The following THSD7B variants were observed in gnomAD, a reference collection of about 807,000 sequenced individuals.
The protein encoded by THSD7B is thrombospondin type-1 domain-containing protein 7B.
In THSD7B, 138 loss-of-function variants were observed where a neutral mutation model predicts 213.6. The observed-to-expected ratio is 0.65, with a 90% CI of 0.56 to 0.74. The LOEUF (loss-of-function observed/expected upper bound fraction) is 0.74. Among genes scored for constraint, THSD7B ranks in the 30% least tolerant of loss-of-function variants. The pLI, the probability that THSD7B is intolerant of heterozygous loss-of-function variation, is 0.00. For missense variants in THSD7B, 1,931 were observed against 1,991.5 expected, an observed-to-expected ratio of 0.97 and a Z score of 0.58; for synonymous variants, 742 against 687.0, an observed-to-expected ratio of 1.08 and a Z score of -1.25.
chr2:136,850,607 G>A (rs1017309209), intron 1 of THSD7B, among the ~76,000 whole-genome samples: 5 of 151,752 alleles, frequency 3.3e-5, no homozygotes, highest in Middle Eastern at 3.2e-3. Flanking sequence ...AAAAAAAAAT[G>A]TGAGTATGGC....
At chr2:137,591,844 C>T (rs1310577197) in intron 17 of THSD7B, among the ~76,000 whole-genome samples, 1 of 151,620 alleles carries the variant, frequency 6.6e-6, no homozygotes, top group Admixed American at 6.6e-5. Flanking sequence ...GAACATTTTG[C>T]CTGGGATTTT....
chr2:137,388,954 T>A (rs1361308182), intron 12 of THSD7B, among the ~76,000 whole-genome samples: 3 of 152,014 alleles, frequency 2.0e-5, no homozygotes, highest in African/African-American at 4.8e-5. Context: ...GTTGCAATTA[T>A]GAATATTGCT....
chr2:137,632,292 A>G (rs1682756363), intron 20 of THSD7B, among the ~76,000 whole-genome samples: 1 of 152,248 alleles, frequency 6.6e-6, no homozygotes, highest in Non-Finnish European at 1.5e-5. Flanking sequence ...TAATGCTTTA[A>G]GAAGCCCCTC....
At chr2:137,373,525 G>A (rs1297288456) in intron 12 of THSD7B, among the ~76,000 whole-genome samples, 29 of 152,058 alleles carry the variant, frequency 1.9e-4, no homozygotes, top group Non-Finnish European at 2.8e-4. Flanking sequence ...CATGTCCTTC[G>A]CCCACTTGTT....
intron 7 of THSD7B, among the ~76,000 whole-genome samples, chr2:137,230,052 T>C (rs1254043369): frequency 1.3e-5 from 2 of 152,212 alleles, no homozygotes; most frequent in African/African-American, 2.4e-5. Flanking sequence ...TCACTATTCT[T>C]TGTGTCCTCT....
intron 26 of THSD7B, among the ~76,000 whole-genome samples, chr2:137,665,658 A>G (rs974591975): frequency 6.6e-5 from 10 of 152,178 alleles, no homozygotes; most frequent in Non-Finnish European, 1.3e-4. Flanking sequence ...TCATGCAGTT[A>G]TATGCACATA....
intron 2 of THSD7B, among the ~76,000 whole-genome samples, chr2:136,892,083 C>T (rs56664544): frequency 0.035 from 5,391 of 151,970 alleles, 287 homozygotes; most frequent in East Asian, 0.21. Flanking sequence ...TCAGGGCAGC[C>T]GGGATCCTTA....
intron 2 of THSD7B, among the ~76,000 whole-genome samples, chr2:136,933,105 G>C (rs537370274): frequency 1.1e-5 from 1 of 94,532 alleles, no homozygotes; most frequent in Non-Finnish European, 2.2e-5. Flanking sequence ...TATTTTGCCC[G>C]CCATTCCTTC....
intron 17 of THSD7B, among the ~76,000 whole-genome samples, chr2:137,599,138 G>GT (rs1439833499): frequency 5.5e-5 from 8 of 145,468 alleles, no homozygotes; most frequent in South Asian, 2.2e-4. Context: ...ACGGTGTTTG[G>GT]TTTTTTTTTC....
At chr2:137,354,836 T>A (rs1377257959) in intron 12 of THSD7B, among the ~76,000 whole-genome samples, 1 of 152,056 alleles carries the variant, frequency 6.6e-6, no homozygotes, top group African/African-American at 2.4e-5. Flanking sequence ...CAGCTGTTTT[T>A]TTTTTTCTAA....
At chr2:137,196,826 A>G (rs1452855785) in intron 7 of THSD7B, among the ~76,000 whole-genome samples, 1 of 152,220 alleles carries the variant, frequency 6.6e-6, no homozygotes, top group East Asian at 1.9e-4. Flanking sequence ...GCAAATATTC[A>G]AAAATTTGCA....
chr2:137,142,365 G>C (rs1303118836), intron 5 of THSD7B, among the ~76,000 whole-genome samples: 1 of 152,140 alleles, frequency 6.6e-6, no homozygotes, highest in Non-Finnish European at 1.5e-5. Context: ...ATTCATGAGG[G>C]AGGAGCCCTC....
At chr2:136,846,263 C>A (rs1304063605) in intron 1 of THSD7B, among the ~76,000 whole-genome samples, 1 of 152,052 alleles carries the variant, frequency 6.6e-6, no homozygotes, top group African/African-American at 2.4e-5. Context: ...CACACTCATA[C>A]CCTGGGTTAT....
chr2:137,352,812 A>T (rs1033611277), intron 12 of THSD7B, among the ~76,000 whole-genome samples: 5 of 152,084 alleles, frequency 3.3e-5, no homozygotes, highest in Admixed American at 6.6e-5. Flanking sequence ...AGAAAAATGT[A>T]TTGAGAAAAA....
At chr2:137,199,255 AT>A (rs1680830094) in intron 7 of THSD7B, among the ~76,000 whole-genome samples, 1 of 152,206 alleles carries the variant, frequency 6.6e-6, no homozygotes, top group Non-Finnish European at 1.5e-5. Context: ...TTTCTAAAAA[AT>A]ATATCGAAAG....
At chr2:137,197,507 A>C (rs543279961) in intron 7 of THSD7B, among the ~76,000 whole-genome samples, 5 of 152,318 alleles carry the variant, frequency 3.3e-5, no homozygotes, top group African/African-American at 1.2e-4. Context: ...TGTCGATTAC[A>C]ATTTGTTTAA....
chr2:137,434,847 C>T (rs1349498055), intron 14 of THSD7B, among the ~76,000 whole-genome samples: 2 of 152,178 alleles, frequency 1.3e-5, no homozygotes, highest in Admixed American at 6.5e-5. Flanking sequence ...TTCTCCCTCT[C>T]CCTCAAGGTT....
At chr2:136,890,578 C>T (rs565644489) in intron 2 of THSD7B, among the ~76,000 whole-genome samples, 18 of 135,962 alleles carry the variant, frequency 1.3e-4, no homozygotes, top group Non-Finnish European at 1.7e-4. Flanking sequence ...CTCACTCTGT[C>T]GCCCAGGCTG....
chr2:136,951,274 C>T (rs535025676), intron 2 of THSD7B, among the ~76,000 whole-genome samples: 1 of 152,178 alleles, frequency 6.6e-6, no homozygotes, highest in Non-Finnish European at 1.5e-5. Context: ...TTTCCTCTCT[C>T]TCCCTTCCTC....
Sources: allele counts gnomAD v4.1 joint callset (sites outside exome capture counted in the v4.1 genomes callset), GRCh38; gene constraint gnomAD v4.1.1; transcripts MANE v1.5; gene names NCBI Gene and HGNC (gene_info 2026-07-23, HGNC 2026-07-21).